CD99: variants seen among roughly 807,000 people sequenced by gnomAD.
CD99 encodes the protein CD99 molecule (Xg blood group), also known as CD99 antigen.
CD99 carries 19 observed loss-of-function variants against 28.4 expected under a neutral mutation model. The observed-to-expected ratio is 0.67, with a 90% CI of 0.47 to 0.98. CD99 has a LOEUF of 0.98. CD99 is among the 50% of genes least tolerant of loss of function. The pLI is 0.00. For missense variants in CD99, 283 were observed against 248.8 expected (o/e 1.14, Z -0.92); for synonymous variants, 103 against 92.1 (o/e 1.12, Z -0.67).
intron 1 of CD99, among the ~76,000 whole-genome samples, chrX:2,699,000 C>T (rs1462840488): frequency 1.3e-5 from 2 of 151,658 alleles, no homozygotes; most frequent in Non-Finnish European, 2.9e-5. Context: ...AGTCATAGCT[C>T]ACTGCAGCCT....
In CD99 at chrX:2,713,063, CAT is replaced by C. The variant is rs202227025; in HGVS notation, c.68-1357_68-1356del. On this transcript the variant is annotated intron_variant, in intron 1 of 9. Transcript: ENST00000381192. Reference sequence around the variant, plus strand: ...ACACATGCACAAACACACCTACACACATAAACATATTGACACATGCACACATG... The same window carrying C: ...ACACATGCACAAACACACCTACACACAAACATATTGACACATGCACACATG... Among the ~76,000 whole-genome samples the C allele has an allele frequency of 8.5e-3, 1,292 of 151,858 alleles. 13 individuals are homozygous for C. Among genetic ancestry groups the C allele is most frequent in the African/African-American group, 0.03 (1,230 of 41,402 alleles).
At chrX:2,731,995 T>C (rs2049635254) in intron 8 of CD99, among the ~76,000 whole-genome samples, 1 of 151,494 alleles carries the variant, frequency 6.6e-6, no homozygotes, top group African/African-American at 2.4e-5. Context: ...TAGCTGAGTG[T>C]GGTGGCTCCC....
intron 1 of CD99, among the ~76,000 whole-genome samples, chrX:2,699,487 T>TA (rs2047743730): frequency 6.7e-6 from 1 of 149,232 alleles, no homozygotes; most frequent in Non-Finnish European, 1.5e-5. Context: ...TTTTTTTTTT[T>TA]AAATTACAGA....
intron 1 of CD99, among the ~76,000 whole-genome samples, chrX:2,706,438 C>T (rs2048121202): frequency 6.6e-6 from 1 of 152,230 alleles, no homozygotes; most frequent in African/African-American, 2.4e-5. Flanking sequence ...GTAAAGAGCA[C>T]ACACGTGCCC....
At chrX:2,691,477 G>A (rs758017869) in intron 1 of CD99, 50 bp downstream of exon 1, 1 of 1,541,530 alleles carries the variant, frequency 6.5e-7, no homozygotes, top group Non-Finnish European at 8.7e-7. Context: ...GCGCGGGCCG[G>A]GACTGGGGAT....
intron 8 of CD99, among the ~76,000 whole-genome samples, chrX:2,726,916 C>T (rs1249054650): frequency 6.6e-6 from 1 of 152,100 alleles, no homozygotes; most frequent in African/African-American, 2.4e-5. Context: ...GGGCGGATCA[C>T]GAGGTCAGGA....
chrX:2,695,634 AG>A, intron 1 of CD99, among the ~76,000 whole-genome samples: 1 of 140,728 alleles, frequency 7.1e-6, no homozygotes, highest in Non-Finnish European at 1.5e-5. Context: ...CTGAAAAAAA[AG>A]TCTTTTTTTT....
At chrX:2,701,880 A>G (rs1476225209) in intron 1 of CD99, among the ~76,000 whole-genome samples, 1 of 152,210 alleles carries the variant, frequency 6.6e-6, no homozygotes, top group Non-Finnish European at 1.5e-5. Context: ...AAGCTATTTT[A>G]GGAGATATTG....
chrX:2,712,754 G>A (rs896828025), intron 1 of CD99, among the ~76,000 whole-genome samples: 1 of 152,014 alleles, frequency 6.6e-6, no homozygotes, highest in Non-Finnish European at 1.5e-5. Flanking sequence ...GACACACACA[G>A]AAACACACAC....
At position 2,717,599 on chromosome X, in the gene CD99, C is replaced by G. The variant is rs767747056; in HGVS notation, c.101-6C>G. On this transcript the variant is annotated splice_polypyrimidine_tract_variant and splice_region_variant and intron_variant, in intron 2 of 9. Coordinates refer to ENST00000381192, the MANE Select transcript of CD99 (RefSeq NM_002414.5). ...TTTTACTAACTGAAATATCTTATCT[C>G]TTTAGACAATGAAAACAAGAAACCC... 8 of 1,612,510 alleles carry G rather than the reference C, an allele frequency of 5.0e-6. No homozygotes were observed. Among genetic ancestry groups the G allele is most frequent in the Admixed American group, 1.7e-5 (1 of 59,992 alleles).
chrX:2,706,952 C>T (rs1259423148), intron 1 of CD99, among the ~76,000 whole-genome samples: 1 of 151,900 alleles, frequency 6.6e-6, no homozygotes, highest in African/African-American at 2.4e-5. Flanking sequence ...TCCCAAGTAA[C>T]TGGGACTACG....
At position 2,733,223 on chromosome X, in the gene CD99, T is replaced by C. The variant is rs150575641; in HGVS notation, c.476-4977T>C. On this transcript the variant is annotated intron_variant, in intron 8 of 9. Coordinates refer to ENST00000381192, the MANE Select transcript of CD99 (RefSeq NM_002414.5). ...TCTCACACTTTGAGCCTCTATCCCA[T>C]TACTTCCTTGCTCAGAGCAGCTCTT... 3,807 of 920,616 alleles carry C rather than the reference T, an allele frequency of 4.1e-3. 81 individuals carry two copies. The African/African-American group carries it at 0.054, about 13-fold the overall frequency. The allele number at this position is 920,616 out of a possible 1,614,324, so 57.0% of individuals were successfully genotyped here.
At chrX:2,719,385 T>TTC in intron 3 of CD99, 2 of 392,786 alleles carry the variant, frequency 5.1e-6, no homozygotes, top group Non-Finnish European at 4.5e-6. Flanking sequence ...ATTACTTTAT[T>TTC]TCTCTCTCTC....
chrX:2,707,899 C>T (rs932432181), intron 1 of CD99, among the ~76,000 whole-genome samples: 1 of 152,046 alleles, frequency 6.6e-6, no homozygotes, highest in East Asian at 1.9e-4. Flanking sequence ...GCTGTGAGCC[C>T]GCAATTTCCT....
intron 1 of CD99, among the ~76,000 whole-genome samples, chrX:2,699,192 CAG>C (rs1404261568): frequency 6.7e-6 from 1 of 150,194 alleles, no homozygotes; most frequent in African/African-American, 2.4e-5. Context: ...TTTTTTTAGA[CAG>C]AGTCTTGCTG....
chrX:2,709,711 C>T (rs1179905172), intron 1 of CD99, among the ~76,000 whole-genome samples: 2 of 152,350 alleles, frequency 1.3e-5, no homozygotes, highest in Non-Finnish European at 2.9e-5. Flanking sequence ...TAGACACACA[C>T]ATGCATGTAC....
rs755320950 is a variant in CD99, at chrX:2,698,622, A to G, written c.67+7195A>G. Among the ~76,000 whole-genome samples, 88 of 152,058 alleles carry G rather than the reference A, an allele frequency of 5.8e-4. No homozygotes were observed. The South Asian group carries it at 0.016, about 27-fold the overall frequency. ...GTTGGGACTATGGGCACATGCCACC[A>G]CACTCAATTAATTTTTACCTTTTTT... On this transcript the variant is annotated intron_variant, in intron 1 of 9. Coordinates refer to ENST00000381192, the MANE Select transcript of CD99 (RefSeq NM_002414.5).
chrX:2,695,849 G>A (rs1327133448), intron 1 of CD99, among the ~76,000 whole-genome samples: 2 of 151,970 alleles, frequency 1.3e-5, no homozygotes, highest in Non-Finnish European at 2.9e-5. Context: ...GGACAGGCTG[G>A]CCTCAAACTC....
intron 8 of CD99, among the ~76,000 whole-genome samples, chrX:2,732,915 TTCCTTCCCTTCC>T (rs1270933766): frequency 1.3e-5 from 2 of 148,384 alleles, no homozygotes; most frequent in Non-Finnish European, 3.0e-5. Context: ...CTTTCCTTCC[TTCCTTCCCTTCC>T]TCCTTCCCTC....
Sources: gnomAD v4.1 joint callset for allele counts (sites outside exome capture counted in the v4.1 genomes callset) on GRCh38, gnomAD v4.1.1 for gene constraint, MANE v1.5 for transcripts, NCBI Gene and HGNC (gene_info 2026-07-23, HGNC 2026-07-21) for gene names.